Variants in CAPN13 observed in about 807,000 individuals in gnomAD.
The protein encoded by CAPN13 is calpain 13, also known as calpain-13.
In CAPN13, 90 loss-of-function variants were observed where a neutral mutation model predicts 98.4. That is an observed-to-expected ratio of 0.92 (90% CI 0.77 to 1.09). CAPN13 has a LOEUF of 1.09. Ranked by LOEUF, CAPN13 falls within the 50% of genes least tolerant of loss-of-function variation. CAPN13 has a pLI of 0.00. For missense variants in CAPN13, 887 were observed against 841.3 expected (o/e 1.05, Z -0.67); for synonymous variants, 330 against 305.5 (o/e 1.08, Z -0.84).
chr2:30,726,479 A>G (rs1670862906), intron 22 of CAPN13, among the ~76,000 whole-genome samples: 1 of 152,230 alleles, frequency 6.6e-6, no homozygotes, highest in Admixed American at 6.5e-5. Context: ...AATATATAAA[A>G]TTCTAAGGAA....
At chr2:30,792,399 TTAAAGGGCTAA>T (rs1572879607) in intron 1 of CAPN13, among the ~76,000 whole-genome samples, 4 of 152,158 alleles carry the variant, frequency 2.6e-5, no homozygotes. Context: ...CCTATAGACA[TTAAAGGGCTAA>T]TAAGAGAATA....
At chr2:30,723,485 C>T (rs1237829039) in intron 22 of CAPN13, among the ~76,000 whole-genome samples, 2 of 152,122 alleles carry the variant, frequency 1.3e-5, no homozygotes, top group African/African-American at 4.8e-5. Context: ...TGTCCTGCCC[C>T]AAGCTTGAGT....
chr2:30,746,091 G>C (rs1671897393), intron 11 of CAPN13, among the ~76,000 whole-genome samples: 1 of 151,930 alleles, frequency 6.6e-6, no homozygotes, highest in Non-Finnish European at 1.5e-5. Flanking sequence ...TAGAGACGGG[G>C]TTTCACCGTG....
chr2:30,801,627 AG>A (rs369714651), intron 1 of CAPN13, among the ~76,000 whole-genome samples: 20 of 137,596 alleles, frequency 1.5e-4, no homozygotes, highest in African/African-American at 6.3e-4. Flanking sequence ...AAAAAAAAAA[AG>A]AAGAAGAAGA....
chr2:30,770,031 G>A (rs186487347), intron 5 of CAPN13, among the ~76,000 whole-genome samples: 18 of 152,286 alleles, frequency 1.2e-4, no homozygotes, highest in Admixed American at 8.5e-4. Context: ...GACTTTGACC[G>A]TGATATTATT....
At chr2:30,748,580 G>A (rs1572810746) in intron 11 of CAPN13, among the ~76,000 whole-genome samples, 4 of 152,184 alleles carry the variant, frequency 2.6e-5, no homozygotes, top group Admixed American at 2.6e-4. Context: ...GATGAAGGGA[G>A]CATCTAATTG....
chr2:30,733,286 C>T (rs1054126844), intron 19 of CAPN13, among the ~76,000 whole-genome samples: 5 of 152,114 alleles, frequency 3.3e-5, no homozygotes, highest in African/African-American at 4.8e-5. Context: ...GTTTCTCTAG[C>T]GGAGTTAATA....
chr2:30,792,217 A>G (rs1674640802), intron 1 of CAPN13, among the ~76,000 whole-genome samples: 1 of 152,150 alleles, frequency 6.6e-6, no homozygotes, highest in African/African-American at 2.4e-5. Context: ...GGATAAGAGC[A>G]GAAATTAATC....
At chr2:30,732,310 A>T (rs2593433) in intron 20 of CAPN13, 128 bp downstream of exon 20, 37 of 1,194,376 alleles carry the variant, frequency 3.1e-5, no homozygotes, top group Non-Finnish European at 1.1e-5. Context: ...GGCACCTCAC[A>T]CAGGCTGCTG....
At chr2:30,777,541 A>G in intron 3 of CAPN13, 26 bp downstream of exon 3, 1 of 1,552,182 alleles carries the variant, frequency 6.4e-7, no homozygotes, top group South Asian at 1.2e-5. Context: ...TATCCAGGGC[A>G]CGGAGGGAAG....
intron 1 of CAPN13, among the ~76,000 whole-genome samples, chr2:30,805,854 C>T (rs1033635355): frequency 1.3e-5 from 2 of 151,550 alleles, no homozygotes; most frequent in Non-Finnish European, 2.9e-5. Flanking sequence ...ATCCTTTCAC[C>T]TCAACCATGG....
rs201220740 is a variant in CAPN13 at position 30,738,280 on chromosome 2, G to A, written c.1608C>T (p.Asp536=). ...TGCGGCACTCATCTAAGGAGAACATGTCCCCTGGAGGTCCTGAGGAGAGAA... is the reference window on the plus strand; with the variant it reads ...TGCGGCACTCATCTAAGGAGAACATATCCCCTGGAGGTCCTGAGGAGAGAA... The part of the protein sequence containing the change: ...NQELLTGPPG[D]MFSLDECRSL... The change falls in exon 17 of 23, where the codon GAC becomes GAT. Residue 536 remains aspartate (D), a synonymous_variant. Coordinates refer to ENST00000295055, the MANE Select transcript of CAPN13 (RefSeq NM_144575.3). 3.1e-6 allele frequency: 5 copies of A among 1,613,992 alleles called. No homozygotes were observed. The highest frequency in any genetic ancestry group is 1.7e-5 in the Admixed American group (1 of 60,028).
intron 3 of CAPN13, 126 bp from the exon 4 acceptor site, chr2:30,776,171 T>G: frequency 3.4e-6 from 2 of 584,076 alleles, no homozygotes; most frequent in South Asian, 2.6e-5. Context: ...TTTTTTCCTC[T>G]GAGAGAGGAG....
intron 2 of CAPN13, among the ~76,000 whole-genome samples, chr2:30,785,014 T>A (rs1674194488): frequency 6.6e-6 from 1 of 151,970 alleles, no homozygotes; most frequent in African/African-American, 2.4e-5. Context: ...AAGGGGTGAG[T>A]ACATTGGCTT....
chr2:30,758,188 A>G, intron 7 of CAPN13, 51 bp from the exon 8 acceptor site: 3 of 1,377,688 alleles, frequency 2.2e-6, no homozygotes, highest in Non-Finnish European at 3.0e-6. Flanking sequence ...AAAAGTCAGC[A>G]GAAAGGGGGA....
At chr2:30,757,311 TG>T (rs1459254771) in intron 8 of CAPN13, among the ~76,000 whole-genome samples, 1 of 152,192 alleles carries the variant, frequency 6.6e-6, no homozygotes, top group Non-Finnish European at 1.5e-5. Flanking sequence ...AGCAAGGGGC[TG>T]GGGGCCTAGG....
At chr2:30,794,856 G>A (rs1674778964) in intron 1 of CAPN13, among the ~76,000 whole-genome samples, 1 of 151,900 alleles carries the variant, frequency 6.6e-6, no homozygotes, top group South Asian at 2.1e-4. Context: ...ACAGAAAGAA[G>A]TTCAGTGGTT....
At chr2:30,743,164 C>T (rs1671741099) in intron 13 of CAPN13, 2 of 569,212 alleles carry the variant, frequency 3.5e-6, no homozygotes, top group African/African-American at 3.7e-5. Context: ...TTTGCATTTC[C>T]ATCTGGCAAT....
At chr2:30,782,439 G>T (rs1211868241) in intron 2 of CAPN13, among the ~76,000 whole-genome samples, 1 of 152,158 alleles carries the variant, frequency 6.6e-6, no homozygotes, top group African/African-American at 2.4e-5. Context: ...TGTTTGCAGG[G>T]TCACTTTCTG....
Sources: allele counts gnomAD v4.1 joint callset (sites outside exome capture counted in the v4.1 genomes callset), GRCh38; gene constraint gnomAD v4.1.1; transcripts MANE v1.5; gene names NCBI Gene and HGNC (gene_info 2026-07-23, HGNC 2026-07-21).